SCMH1: variants seen among roughly 807,000 people sequenced by gnomAD.
SCMH1 encodes the protein polycomb protein SCMH1.
A neutral mutation model predicts 70.8 loss-of-function variants in SCMH1; 37 were observed. That is an observed-to-expected ratio of 0.52 (90% confidence interval 0.40 to 0.69). The LOEUF is 0.69. SCMH1 is among the 30% of genes least tolerant of loss of function. The pLI is 0.00. For synonymous variants in SCMH1, 292 were observed against 307.4 expected (o/e 0.95, Z 0.52); for missense variants, 607 against 827.3 (o/e 0.73, Z 3.27).
intron 1 of SCMH1, among the ~76,000 whole-genome samples, chr1:41,227,246 G>T (rs1403648234): frequency 6.6e-6 from 1 of 152,142 alleles, no homozygotes. Context: ...AGTCTTTCCT[G>T]TCTCTGAGAC....
intron 10 of SCMH1, among the ~76,000 whole-genome samples, chr1:41,051,596 A>C (rs1648174447): frequency 6.6e-6 from 1 of 152,140 alleles, no homozygotes; most frequent in African/African-American, 2.4e-5. Context: ...GCCTAGGCTA[A>C]TGTGTGTGTA....
At chr1:41,180,609 A>G (rs1648463001) in intron 2 of SCMH1, among the ~76,000 whole-genome samples, 1 of 152,208 alleles carries the variant, frequency 6.6e-6, no homozygotes, top group Non-Finnish European at 1.5e-5. Context: ...TGCTTCAAAG[A>G]GAATAAAATA....
At chr1:41,168,285 G>C (rs1382200136) in intron 2 of SCMH1, among the ~76,000 whole-genome samples, 1 of 151,982 alleles carries the variant, frequency 6.6e-6, no homozygotes, top group East Asian at 1.9e-4. Context: ...CCACTTGATG[G>C]TGTCCCACAG....
intron 6 of SCMH1, among the ~76,000 whole-genome samples, chr1:41,127,984 C>T (rs1673650955): frequency 6.6e-6 from 1 of 152,204 alleles, no homozygotes; most frequent in African/African-American, 2.4e-5. Context: ...TGGTATTTCA[C>T]TGACAGCCTC....
intron 8 of SCMH1, among the ~76,000 whole-genome samples, chr1:41,111,145 G>A (rs766760182): frequency 3.9e-5 from 6 of 152,086 alleles, no homozygotes; most frequent in Non-Finnish European, 8.8e-5. Context: ...TTTTATTATT[G>A]AGTTATAGGT....
chr1:41,162,698 C>A (rs1223783352), intron 2 of SCMH1: 1 of 152,148 alleles, frequency 6.6e-6, no homozygotes, highest in Non-Finnish European at 1.5e-5. Flanking sequence ...CTGCAGAGAA[C>A]TGCAGAAGAT....
intron 14 of SCMH1, 71 bp from the exon 16 acceptor site, chr1:41,028,390 A>G: frequency 6.3e-7 from 1 of 1,588,100 alleles, no homozygotes; most frequent in South Asian, 1.1e-5. Context: ...TGACCACCCC[A>G]GGTTCTGATT....
chr1:41,216,358 T>C (rs1658081882), intron 1 of SCMH1, among the ~76,000 whole-genome samples: 1 of 152,160 alleles, frequency 6.6e-6, no homozygotes, highest in South Asian at 2.1e-4. Flanking sequence ...CAGCTATCTG[T>C]TAAAAGTTAC....
intron 1 of SCMH1, among the ~76,000 whole-genome samples, chr1:41,221,605 G>C (rs1049048025): frequency 1.3e-5 from 2 of 150,922 alleles, no homozygotes; most frequent in Non-Finnish European, 3.0e-5. Context: ...AAAAGGCTAG[G>C]GCCCAGGCGC....
chr1:41,182,037 A>G (rs1295323900), intron 2 of SCMH1, among the ~76,000 whole-genome samples: 2 of 152,222 alleles, frequency 1.3e-5, no homozygotes, highest in Non-Finnish European at 2.9e-5. Context: ...TGATGAGTTC[A>G]TGTCCTTTGT....
At chr1:41,195,471 C>T (rs1652820767) in intron 1 of SCMH1, among the ~76,000 whole-genome samples, 3 of 150,932 alleles carry the variant, frequency 2.0e-5, no homozygotes, top group Non-Finnish European at 3.0e-5. Context: ...AAAAAAGGCA[C>T]ATGGTAATGT....
intron 1 of SCMH1, among the ~76,000 whole-genome samples, chr1:41,240,599 T>G (rs902964396): frequency 1.3e-5 from 2 of 152,130 alleles, no homozygotes; most frequent in African/African-American, 4.8e-5. Flanking sequence ...CCTGGCACAT[T>G]ACACTTCAAC....
At chr1:41,224,709 T>C (rs188261052) in intron 1 of SCMH1, among the ~76,000 whole-genome samples, 2 of 152,222 alleles carry the variant, frequency 1.3e-5, no homozygotes, top group East Asian at 1.9e-4. Context: ...TGTAAAGTCA[T>C]AGAGCTGATA....
chr1:41,158,966 A>G (rs566489727), intron 4 of SCMH1, among the ~76,000 whole-genome samples: 9 of 152,300 alleles, frequency 5.9e-5, no homozygotes, highest in African/African-American at 1.9e-4. Context: ...TGACCAATAA[A>G]TATGTCTAAA....
At chr1:41,201,115 A>G (rs1488118563) in intron 1 of SCMH1, among the ~76,000 whole-genome samples, 1 of 152,200 alleles carries the variant, frequency 6.6e-6, no homozygotes, top group Non-Finnish European at 1.5e-5. Context: ...TACTTGGGCC[A>G]TGAAGATGGG....
chr1:41,201,589 T>C (rs1243931150), intron 1 of SCMH1, among the ~76,000 whole-genome samples: 1 of 152,168 alleles, frequency 6.6e-6, no homozygotes, highest in African/African-American at 2.4e-5. Flanking sequence ...CTCAAGCAAT[T>C]GCCTTGACAC....
At chr1:41,067,440 T>C (rs1571733786) in intron 10 of SCMH1, among the ~76,000 whole-genome samples, 2 of 107,316 alleles carry the variant, frequency 1.9e-5, no homozygotes, top group African/African-American at 8.1e-5. Context: ...CAAGACTCCA[T>C]CTCAACAACA....
At chr1:41,044,296 A>G (rs1191092441) in intron 12 of SCMH1, among the ~76,000 whole-genome samples, 2 of 152,152 alleles carry the variant, frequency 1.3e-5, no homozygotes, top group Non-Finnish European at 2.9e-5. Context: ...GAAGGGCAGG[A>G]GTCATAAATA....
At chr1:41,221,827 G>T (rs112076075) in intron 1 of SCMH1, among the ~76,000 whole-genome samples, 7 of 139,596 alleles carry the variant, frequency 5.0e-5, no homozygotes, top group African/African-American at 1.8e-4. Context: ...GGGAGGCAGA[G>T]GTTGCTGTGA....
Sources: gnomAD v4.1 joint callset for allele counts (sites outside exome capture counted in the v4.1 genomes callset) on GRCh38, gnomAD v4.1.1 for gene constraint, MANE v1.5 for transcripts, NCBI Gene and HGNC (gene_info 2026-07-23, HGNC 2026-07-21) for gene names.